Variants in CSMD3 observed in about 807,000 individuals in gnomAD.
CSMD3 encodes the protein CUB and Sushi multiple domains 3.
CSMD3 carries 177 observed loss-of-function variants against 435.2 expected under a neutral mutation model. The observed-to-expected ratio is 0.41, with a 90% CI of 0.36 to 0.46. The LOEUF is 0.46. Ranked by LOEUF, CSMD3 falls within the 20% of genes least tolerant of loss-of-function variation. The pLI is 0.34. For synonymous variants in CSMD3, 1,656 were observed against 1,520.5 expected, an observed-to-expected ratio of 1.09 and a Z score of -2.07; for missense variants, 4,265 against 4,504.6, an observed-to-expected ratio of 0.95 and a Z score of 1.52.
intron 13 of CSMD3, among the ~76,000 whole-genome samples, chr8:112,736,793 G>A (rs1235711244): frequency 6.6e-6 from 1 of 151,880 alleles, no homozygotes; most frequent in African/African-American, 2.4e-5. Flanking sequence ...ATGAATGAAC[G>A]AATGAATGAA....
At chr8:112,795,193 C>T (rs2078797613) in intron 13 of CSMD3, among the ~76,000 whole-genome samples, 1 of 152,004 alleles carries the variant, frequency 6.6e-6, no homozygotes, top group Admixed American at 6.6e-5. Flanking sequence ...AAAAGAAACT[C>T]TAATTCAAAT....
intron 37 of CSMD3, among the ~76,000 whole-genome samples, chr8:112,382,249 A>G (rs547947061): frequency 2.5e-4 from 36 of 146,330 alleles, no homozygotes; most frequent in African/African-American, 8.4e-4. Flanking sequence ...GCACCACTGC[A>G]CCAAAGTCTG....
intron 32 of CSMD3, among the ~76,000 whole-genome samples, chr8:112,469,285 T>C (rs1818286919): frequency 6.6e-6 from 1 of 152,126 alleles, no homozygotes; most frequent in Non-Finnish European, 1.5e-5. Flanking sequence ...AATGTTCTGT[T>C]AGACTATTTC....
chr8:112,326,346 C>T (rs187468921), intron 45 of CSMD3, among the ~76,000 whole-genome samples: 44 of 152,240 alleles, frequency 2.9e-4, no homozygotes, highest in Non-Finnish European at 5.7e-4. Context: ...GTGCACAAAG[C>T]AGGCTGATCA....
At chr8:112,442,991 T>A (rs952068844) in intron 32 of CSMD3, among the ~76,000 whole-genome samples, 17 of 151,918 alleles carry the variant, frequency 1.1e-4, no homozygotes, top group Non-Finnish European at 1.8e-4. Context: ...TTTTTGGGGG[T>A]CTCTAGGGTG....
At position 112,838,496 on chromosome 8, in the gene CSMD3, T is replaced by C. The variant is rs1178325813; in HGVS notation, c.1756-8707A>G. Among the ~76,000 whole-genome samples the C allele has an allele frequency of 4.6e-5, 7 of 151,806 alleles. No homozygotes were observed. In the East Asian group the frequency reaches 1.2e-3, roughly 25 times the overall value. On this transcript the variant is annotated intron_variant, in intron 11 of 70. Transcript: ENST00000297405. ...AAGACCTAAACTTGGACTGTGGAAG[T>C]AGGGATGGAGAAGAGTGGATTCAGA...
intron 13 of CSMD3, among the ~76,000 whole-genome samples, chr8:112,696,882 A>C (rs552645237): frequency 1.3e-5 from 2 of 152,182 alleles, no homozygotes; most frequent in Non-Finnish European, 2.9e-5. Flanking sequence ...TTTACAAGAA[A>C]AAAACAAACA....
chr8:112,261,437 C>T (rs1362377061), intron 61 of CSMD3, among the ~76,000 whole-genome samples: 5 of 151,886 alleles, frequency 3.3e-5, no homozygotes, highest in Non-Finnish European at 7.4e-5. Context: ...TTTTCTTAGG[C>T]CCAGGGTAGC....
chr8:112,477,788 C>T (rs936220568), intron 31 of CSMD3, among the ~76,000 whole-genome samples: 13 of 152,134 alleles, frequency 8.5e-5, no homozygotes, highest in Admixed American at 3.9e-4. Context: ...AACCTAGTCT[C>T]GAATATTCCT....
chr8:112,506,850 T>C lies in CSMD3; in HGVS notation c.4757-21A>G, dbSNP rs776509136. ...GGGTGCTTTAATTTAAACAAACAAA[T>C]AAAATCTCTTTAAACATTAATACAA... On this transcript the variant is annotated intron_variant, in intron 28 of 70. Coordinates refer to ENST00000297405, the MANE Select transcript of CSMD3 (RefSeq NM_198123.2). The C allele has an allele frequency of 3.1e-6, 5 of 1,594,490 alleles. No individual in the cohort carries two copies. The East Asian group carries it at 1.1e-4, about 36-fold the overall frequency.
At chr8:112,439,750 G>A (rs1814780843) in intron 32 of CSMD3, among the ~76,000 whole-genome samples, 1 of 152,032 alleles carries the variant, frequency 6.6e-6, no homozygotes, top group South Asian at 2.1e-4. Context: ...GAAGTGCAGA[G>A]CAAAGGGGGA....
At chr8:113,280,695 G>A (rs1053162224) in intron 2 of CSMD3, among the ~76,000 whole-genome samples, 3 of 151,396 alleles carry the variant, frequency 2.0e-5, no homozygotes, top group Non-Finnish European at 4.4e-5. Context: ...TTCTTCTACC[G>A]GCTTTGGTTT....
At chr8:112,511,852 A>C (rs768851648) in intron 28 of CSMD3, among the ~76,000 whole-genome samples, 6 of 152,162 alleles carry the variant, frequency 3.9e-5, no homozygotes, top group Non-Finnish European at 8.8e-5. Flanking sequence ...GTAATATTTG[A>C]AGTTCTTTGT....
chr8:112,591,720 T>A (rs1184673662), intron 22 of CSMD3, among the ~76,000 whole-genome samples: 1 of 152,074 alleles, frequency 6.6e-6, no homozygotes, highest in Admixed American at 6.5e-5. Flanking sequence ...TTTTTCCATA[T>A]GTTTAATTAT....
chr8:112,644,676 A>C (rs2074929880), intron 20 of CSMD3, among the ~76,000 whole-genome samples: 1 of 152,074 alleles, frequency 6.6e-6, no homozygotes, highest in African/African-American at 2.4e-5. Context: ...AGAGAATATA[A>C]TTGTTACAAA....
At chr8:112,536,748 A>G (rs1826133715) in intron 27 of CSMD3, among the ~76,000 whole-genome samples, 1 of 150,566 alleles carries the variant, frequency 6.6e-6, no homozygotes, top group Non-Finnish European at 1.5e-5. Flanking sequence ...TATTCACAAT[A>G]GCAAAGACTT....
At chr8:112,648,720 C>G (rs1436788588) in intron 19 of CSMD3, among the ~76,000 whole-genome samples, 13 of 152,146 alleles carry the variant, frequency 8.5e-5, no homozygotes, top group Admixed American at 6.5e-4. Flanking sequence ...CTTGCCATTA[C>G]TTTTTATCTT....
intron 3 of CSMD3, among the ~76,000 whole-genome samples, chr8:113,204,400 A>T (rs897796437): frequency 3.9e-5 from 6 of 152,170 alleles, no homozygotes; most frequent in Non-Finnish European, 7.4e-5. Context: ...TTTCTATTTG[A>T]AATCATAGAA....
At chr8:112,293,469 A>G (rs1458190033) in intron 54 of CSMD3, among the ~76,000 whole-genome samples, 1 of 152,136 alleles carries the variant, frequency 6.6e-6, no homozygotes, top group African/African-American at 2.4e-5. Context: ...GTGCTTGTGA[A>G]GTAAATTAAT....
Sources: gnomAD v4.1 joint callset for allele counts (sites outside exome capture counted in the v4.1 genomes callset) on GRCh38, gnomAD v4.1.1 for gene constraint, MANE v1.5 for transcripts, NCBI Gene and HGNC (gene_info 2026-07-23, HGNC 2026-07-21) for gene names.